The following PDE1A variants were observed in gnomAD, a reference collection of about 807,000 sequenced individuals.
PDE1A encodes dual specificity calcium/calmodulin-dependent 3',5'-cyclic nucleotide phosphodiesterase 1A.
In PDE1A, 35 loss-of-function variants were observed where a neutral mutation model predicts 61.7. That is an observed-to-expected ratio of 0.57 (90% CI 0.43 to 0.75). PDE1A has a LOEUF of 0.75. Ranked by LOEUF, PDE1A falls within the 30% of genes least tolerant of loss-of-function variation. The pLI is 0.00. For missense variants in PDE1A, 597 were observed against 630.6 expected (o/e 0.95, Z 0.57); for synonymous variants, 232 against 213.2 (o/e 1.09, Z -0.77).
At chr2:182,314,252 A>C (rs1696185906) in intron 1 of PDE1A, 2 of 152,232 alleles carry the variant, frequency 1.3e-5, no homozygotes, top group African/African-American at 4.8e-5. Context: ...AATGAATCTC[A>C]AAATAATTAC....
chr2:182,384,764 T>G (rs528156434), intron 1 of PDE1A, among the ~76,000 whole-genome samples: 4 of 152,066 alleles, frequency 2.6e-5, no homozygotes, highest in Non-Finnish European at 4.4e-5. Context: ...TATAAAATAG[T>G]AGCAGAAAAT....
intron 1 of PDE1A, among the ~76,000 whole-genome samples, chr2:182,268,070 A>G (rs1032503640): frequency 2.6e-5 from 4 of 152,074 alleles, no homozygotes; most frequent in African/African-American, 4.8e-5. Flanking sequence ...TCTTTCATCA[A>G]TCAGGGTGGA....
At chr2:182,702,244 C>T in the PDE1A span, among the ~76,000 whole-genome samples, 1 of 152,272 alleles carries the variant, frequency 6.6e-6, no homozygotes, top group South Asian at 2.1e-4. Context: ...GCTGGGATTG[C>T]AGGCATGTAC....
chr2:182,522,424 A>G, intron 1 of PDE1A: 1 of 1,611,262 alleles, frequency 6.2e-7, no homozygotes, highest in Non-Finnish European at 8.5e-7. Context: ...CAGCAGCTAG[A>G]ACAAGCATTC....
intron 1 of PDE1A, among the ~76,000 whole-genome samples, chr2:182,357,285 A>C (rs1699247154): frequency 1.3e-5 from 2 of 152,158 alleles, no homozygotes; most frequent in South Asian, 4.1e-4. Context: ...GAAAACAAAA[A>C]AAAACAAACA....
At chr2:182,662,940 G>C in the PDE1A span, among the ~76,000 whole-genome samples, 1 of 152,074 alleles carries the variant, frequency 6.6e-6, no homozygotes, top group Non-Finnish European at 1.5e-5. Flanking sequence ...ATCTGACAGA[G>C]GTCTAATATC....
At chr2:182,242,308 A>G (rs1182775276) in intron 2 of PDE1A, among the ~76,000 whole-genome samples, 1 of 152,240 alleles carries the variant, frequency 6.6e-6, no homozygotes, top group Non-Finnish European at 1.5e-5. Flanking sequence ...AGGAGGCTGG[A>G]AATCCTTAGT....
intron 1 of PDE1A, among the ~76,000 whole-genome samples, chr2:182,393,634 A>G (rs1701543968): frequency 6.6e-6 from 1 of 152,164 alleles, no homozygotes; most frequent in Non-Finnish European, 1.5e-5. Context: ...ATTCCAAACC[A>G]TATTTTTGTG....
chr2:182,490,725 C>G (rs1446947314), intron 2 of PDE1A, among the ~76,000 whole-genome samples: 2 of 152,090 alleles, frequency 1.3e-5, no homozygotes, highest in African/African-American at 4.8e-5. Flanking sequence ...ATAGGCTGAT[C>G]AGAATTATAC....
intron 3 of PDE1A, among the ~76,000 whole-genome samples, chr2:182,237,136 T>C (rs1420475104): frequency 6.6e-6 from 1 of 152,168 alleles, no homozygotes; most frequent in Non-Finnish European, 1.5e-5. Flanking sequence ...ACTGGAAATG[T>C]AGTGGATTAT....
intron 2 of PDE1A, among the ~76,000 whole-genome samples, chr2:182,491,604 C>T (rs1688399309): frequency 2.0e-5 from 3 of 152,140 alleles, no homozygotes; most frequent in South Asian, 2.1e-4. Flanking sequence ...AGAAGAAAGA[C>T]GAAATATGGG....
chr2:182,672,160 T>C, the PDE1A span, among the ~76,000 whole-genome samples: 1 of 152,232 alleles, frequency 6.6e-6, no homozygotes, highest in Non-Finnish European at 1.5e-5. Flanking sequence ...TAGGTATTTT[T>C]TAAAATACTG....
At chr2:182,572,434 A>G in the PDE1A span, among the ~76,000 whole-genome samples, 3 of 152,180 alleles carry the variant, frequency 2.0e-5, no homozygotes, top group African/African-American at 7.2e-5. Flanking sequence ...CATGGTTCCA[A>G]GTTTGTTACC....
the PDE1A span, among the ~76,000 whole-genome samples, chr2:182,530,065 T>C: frequency 6.6e-6 from 1 of 151,958 alleles, no homozygotes; most frequent in African/African-American, 2.4e-5. Flanking sequence ...AACAAGAAAA[T>C]TCAAATTCAG....
At chr2:182,337,022 G>A (rs1697878988) in intron 1 of PDE1A, among the ~76,000 whole-genome samples, 1 of 151,132 alleles carries the variant, frequency 6.6e-6, no homozygotes, top group African/African-American at 2.4e-5. Context: ...AAGTGGCTAT[G>A]AGAATTAAAA....
chr2:182,206,632 G>A (rs1559183573), intron 7 of PDE1A, among the ~76,000 whole-genome samples: 1 of 152,032 alleles, frequency 6.6e-6, no homozygotes, highest in Non-Finnish European at 1.5e-5. Context: ...TCTTCAAAAT[G>A]TTATGTAGAT....
intron 1 of PDE1A, among the ~76,000 whole-genome samples, chr2:182,356,119 G>C (rs1265680724): frequency 6.6e-6 from 1 of 152,126 alleles, no homozygotes; most frequent in Non-Finnish European, 1.5e-5. Flanking sequence ...AAAATGAAAA[G>C]ATGTTTTGCA....
At chr2:182,494,513 G>A (rs1368122513) in intron 2 of PDE1A, among the ~76,000 whole-genome samples, 1 of 152,092 alleles carries the variant, frequency 6.6e-6, no homozygotes, top group East Asian at 1.9e-4. Context: ...ACTGATGTCA[G>A]CATTGTGTCT....
At chr2:182,336,134 A>T (rs1336790272) in intron 1 of PDE1A, among the ~76,000 whole-genome samples, 4 of 152,198 alleles carry the variant, frequency 2.6e-5, no homozygotes, top group Non-Finnish European at 5.9e-5. Flanking sequence ...GGTGAAGAGG[A>T]TGTGAAGAAA....
Sources: gnomAD v4.1 joint callset for allele counts (sites outside exome capture counted in the v4.1 genomes callset) on GRCh38, gnomAD v4.1.1 for gene constraint, MANE v1.5 for transcripts, NCBI Gene and HGNC (gene_info 2026-07-23, HGNC 2026-07-21) for gene names.